Variants in RPGRIP1L observed in about 807,000 individuals in gnomAD.
RPGRIP1L encodes protein fantom.
Under a neutral mutation model 160.4 loss-of-function variants are expected in RPGRIP1L, and 131 were observed. The observed-to-expected ratio is 0.82, with a 90% CI of 0.71 to 0.94. The LOEUF (loss-of-function observed/expected upper bound fraction) is 0.94. Ranked by LOEUF, RPGRIP1L falls within the 40% of genes least tolerant of loss-of-function variation. The pLI is 0.00. For synonymous variants in RPGRIP1L, 510 were observed against 515.8 expected, an observed-to-expected ratio of 0.99 and a Z score of 0.15; for missense variants, 1,522 against 1,535.8, an observed-to-expected ratio of 0.99 and a Z score of 0.15.
In RPGRIP1L at chr16:53,602,214, T is replaced by C. The variant is rs771210889; in HGVS notation, c.3836-26A>G. 6 of 1,465,586 alleles carry C rather than the reference T, an allele frequency of 4.1e-6. No homozygotes were observed. In the African/African-American group the frequency reaches 4.2e-5, roughly 10 times the overall value. The allele number at this position is 1,465,586 out of a possible 1,614,324, so 90.8% of individuals were successfully genotyped here. A position where few individuals can be genotyped will look rare whatever the true frequency, so the allele number is the denominator to read the frequency against. On this transcript the variant is annotated intron_variant, in intron 26 of 26. Coordinates refer to ENST00000647211, the MANE Select transcript of RPGRIP1L (RefSeq NM_015272.5). ...CTAGGGAGAAAAGAGCAGGAAAGTG[T>C]TAATATCATTCAACAGATTTTTCTT...
intron 7 of RPGRIP1L, among the ~76,000 whole-genome samples, chr16:53,673,579 T>G (rs1413179415): frequency 6.6e-6 from 1 of 152,156 alleles, no homozygotes; most frequent in Non-Finnish European, 1.5e-5. Flanking sequence ...TTATATACTT[T>G]AATGTCACAT....
chr16:53,671,041 G>A (rs1426712080), intron 9 of RPGRIP1L, among the ~76,000 whole-genome samples: 1 of 152,140 alleles, frequency 6.6e-6, no homozygotes, highest in Non-Finnish European at 1.5e-5. Context: ...AGGCTGCAGT[G>A]AGCCATGATT....
At chr16:53,648,620 GCGCGCGCACACACACACA>G (rs1966731530) in intron 16 of RPGRIP1L, among the ~76,000 whole-genome samples, 1 of 62,400 alleles carries the variant, frequency 1.6e-5, no homozygotes. Context: ...GCGTGCGCGC[GCGCGCGCACACACACACA>G]CACACACACA....
intron 15 of RPGRIP1L, among the ~76,000 whole-genome samples, chr16:53,651,379 T>C (rs1966851838): frequency 1.3e-5 from 2 of 152,230 alleles, no homozygotes; most frequent in Non-Finnish European, 1.5e-5. Context: ...AGAACGGTCC[T>C]ATTTTCCCTC....
chr16:53,627,616 T>C (rs1223115981), intron 22 of RPGRIP1L, among the ~76,000 whole-genome samples: 2 of 152,180 alleles, frequency 1.3e-5, no homozygotes, highest in Non-Finnish European at 2.9e-5. Context: ...TTCCCAAACA[T>C]GCCTTTATAT....
At chr16:53,670,635 T>A (rs1273327845) in intron 9 of RPGRIP1L, among the ~76,000 whole-genome samples, 1 of 152,162 alleles carries the variant, frequency 6.6e-6, no homozygotes. Flanking sequence ...CCCTTTAAAA[T>A]GTATCTTGAG....
intron 10 of RPGRIP1L, among the ~76,000 whole-genome samples, chr16:53,662,466 G>C (rs887966356): frequency 2.6e-5 from 4 of 152,106 alleles, no homozygotes; most frequent in Non-Finnish European, 5.9e-5. Context: ...CCAGTTAGAT[G>C]AATGACTACA....
chr16:53,614,459 T>A (rs186594872), intron 24 of RPGRIP1L, among the ~76,000 whole-genome samples: 10 of 152,348 alleles, frequency 6.6e-5, no homozygotes, highest in Admixed American at 3.3e-4. Context: ...TGTTTCCAGT[T>A]GATATTGCTG....
At chr16:53,609,032 T>G (rs1963857549) in intron 25 of RPGRIP1L, among the ~76,000 whole-genome samples, 1 of 152,292 alleles carries the variant, frequency 6.6e-6, no homozygotes, top group South Asian at 2.1e-4. Flanking sequence ...CATTTGTTTC[T>G]TTGGGGGGTG....
At chr16:53,645,470 A>G (rs1241601884) in intron 17 of RPGRIP1L, among the ~76,000 whole-genome samples, 155 bp downstream of exon 17, 2 of 152,116 alleles carry the variant, frequency 1.3e-5, no homozygotes, top group Non-Finnish European at 2.9e-5. Flanking sequence ...AGCGACTAGT[A>G]AGAAAATAAT....
At position 53,638,353 on chromosome 16, in the gene RPGRIP1L, G is replaced by T; in HGVS notation, c.3017C>A (p.Pro1006Gln). The T allele has an allele frequency of 6.3e-7, 1 of 1,597,640 alleles. No individual in the cohort carries two copies. The highest frequency in any genetic ancestry group is 8.6e-7 in the Non-Finnish European group (1 of 1,165,676). The change falls in exon 20 of 27, where the codon CCA (proline) becomes CAA (glutamine). Residue 1006 changes from proline to glutamine, a missense_variant. Transcript: ENST00000647211. Reference sequence around the variant, plus strand: ...AGTCAGCATATTAATTTCTATTTCTGGTATATGCTCTACCTCTGGTGAAAT... The same window carrying T: ...AGTCAGCATATTAATTTCTATTTCTTGTATATGCTCTACCTCTGGTGAAAT... ...KEISPEVEHI[P>Q]EIEINMLTVP...
intron 24 of RPGRIP1L, among the ~76,000 whole-genome samples, chr16:53,616,013 A>G (rs1598231633): frequency 6.6e-6 from 1 of 152,320 alleles, no homozygotes; most frequent in East Asian, 1.9e-4. Context: ...CATTTTATGT[A>G]CCTAATTTGG....
chr16:53,598,775 A>G lies in RPGRIP1L; in HGVS notation c.*3301T>C, dbSNP rs180863978. ...AGTCAGAGGCCTTCAGGCATGAGTGACTTATTAAAATGTACTCTGATAGTT... is the reference window on the plus strand; with the variant it reads ...AGTCAGAGGCCTTCAGGCATGAGTGGCTTATTAAAATGTACTCTGATAGTT... On this transcript the variant is annotated 3_prime_UTR_variant, in exon 27 of 27. Transcript: ENST00000647211. The G allele has an allele frequency of 1.3e-5, 2 of 152,176 alleles. No individual in the cohort carries two copies. The highest frequency in any genetic ancestry group is 2.9e-5 in the Non-Finnish European group (2 of 68,028). 9.4% of individuals were successfully genotyped at this position (152,176 alleles called of 1,614,324 possible). A position where few individuals can be genotyped will look rare whatever the true frequency, so the allele number is the denominator to read the frequency against.
chr16:53,627,555 T>G (rs1045726341), intron 22 of RPGRIP1L, among the ~76,000 whole-genome samples: 3 of 152,140 alleles, frequency 2.0e-5, no homozygotes, highest in African/African-American at 7.2e-5. Context: ...TCCTTTCCCC[T>G]CCCTTCCTCA....
rs1318779991 is a variant in RPGRIP1L at position 53,658,810 on chromosome 16, G to C, written c.1312C>G (p.Leu438Val). The C allele has an allele frequency of 5.6e-6, 9 of 1,608,572 alleles. No homozygotes were observed. Among genetic ancestry groups the C allele is most frequent in the Non-Finnish European group, 7.6e-6 (9 of 1,176,638 alleles). Residue 438 changes from leucine to valine, a missense_variant, in exon 11 of 27, where the codon CTT becomes GTT. Coordinates refer to ENST00000647211, the MANE Select transcript of RPGRIP1L (RefSeq NM_015272.5). Reference sequence around the variant, plus strand: ...TTTATGCGTTTTTTAAGTTCATCAAGTTGTTGCTTTTGTTCCAGATACTGT... The same window carrying C: ...TTTATGCGTTTTTTAAGTTCATCAACTTGTTGCTTTTGTTCCAGATACTGT... Reference protein sequence around the residue: ...QLQYLEQKQQLDELKKRIKLY... With the variant: ...QLQYLEQKQQVDELKKRIKLY...
chr16:53,679,864 C>T (rs1309973242), intron 6 of RPGRIP1L, among the ~76,000 whole-genome samples: 1 of 152,128 alleles, frequency 6.6e-6, no homozygotes, highest in African/African-American at 2.4e-5. Flanking sequence ...TTACCCATTT[C>T]AATCTAATCA....
intron 22 of RPGRIP1L, among the ~76,000 whole-genome samples, chr16:53,626,703 G>C (rs1171488603): frequency 6.6e-6 from 1 of 151,640 alleles, no homozygotes; most frequent in Non-Finnish European, 1.5e-5. Context: ...TACTCGGGAG[G>C]CTGAGGCAGG....
chr16:53,610,918 A>G (rs1251746135), intron 25 of RPGRIP1L, 49 bp downstream of exon 25: 2 of 1,381,432 alleles, frequency 1.4e-6, no homozygotes, highest in Non-Finnish European at 2.1e-6. Flanking sequence ...CCTGCTACAG[A>G]GATCTACTTT....
intron 6 of RPGRIP1L, among the ~76,000 whole-genome samples, chr16:53,676,775 G>A (rs1969212031): frequency 6.6e-6 from 1 of 152,050 alleles, no homozygotes; most frequent in African/African-American, 2.4e-5. Flanking sequence ...AGGGACTACA[G>A]GCGCGTGCCA....
Sources: allele counts gnomAD v4.1 joint callset (sites outside exome capture counted in the v4.1 genomes callset), GRCh38; gene constraint gnomAD v4.1.1; transcripts MANE v1.5; gene names NCBI Gene and HGNC (gene_info 2026-07-23, HGNC 2026-07-21).